EPHB1: variants seen among roughly 807,000 people sequenced by gnomAD.
EPHB1 encodes EPH receptor B1, also known as ephrin type-B receptor 1.
In EPHB1, 30 loss-of-function variants were observed where a neutral mutation model predicts 94.4. The ratio of observed to expected loss-of-function variants is 0.32; its 90% CI spans 0.24 to 0.43. The LOEUF (loss-of-function observed/expected upper bound fraction) is 0.43. EPHB1 is among the 20% of genes least tolerant of loss of function. EPHB1 has a pLI of 1.00. For synonymous variants in EPHB1, 522 were observed against 489.1 expected (o/e 1.07, Z -0.89); for missense variants, 1,055 against 1,308.3 (o/e 0.81, Z 2.99).
At chr3:135,184,125 ATGAATGGAGTGACTAGTGAGCTTGG>A (rs1244038007) in intron 10 of EPHB1, among the ~76,000 whole-genome samples, 37 of 152,284 alleles carry the variant, frequency 2.4e-4, no homozygotes, top group African/African-American at 8.7e-4. Flanking sequence ...AATGAATGTG[ATGAATGGAGTGACTAGTGAGCTTGG>A]TGCCTGGAGG....
At chr3:135,161,731 C>T (rs1361632036) in intron 6 of EPHB1, among the ~76,000 whole-genome samples, 2 of 152,166 alleles carry the variant, frequency 1.3e-5, no homozygotes, top group Non-Finnish European at 2.9e-5. Flanking sequence ...GGGAGGAGGA[C>T]TAGAGAATGA....
intron 9 of EPHB1, among the ~76,000 whole-genome samples, chr3:135,169,875 C>T (rs1350493097): frequency 6.6e-6 from 1 of 152,218 alleles, no homozygotes; most frequent in African/African-American, 2.4e-5. Context: ...ATGCTCTTTC[C>T]ACAGCCTGAT....
At chr3:135,140,126 G>T (rs1444149096) in intron 5 of EPHB1, among the ~76,000 whole-genome samples, 1 of 152,190 alleles carries the variant, frequency 6.6e-6, no homozygotes, top group Non-Finnish European at 1.5e-5. Context: ...TTCTTACCCT[G>T]TAAGGATCTC....
intron 3 of EPHB1, among the ~76,000 whole-genome samples, chr3:135,064,637 T>C (rs530922589): frequency 2.0e-5 from 3 of 152,342 alleles, no homozygotes; most frequent in African/African-American, 7.2e-5. Context: ...TATTTATCTT[T>C]TCAAAAAACT....
chr3:135,043,547 T>C (rs1936912882), intron 3 of EPHB1, among the ~76,000 whole-genome samples: 1 of 152,116 alleles, frequency 6.6e-6, no homozygotes, highest in South Asian at 2.1e-4. Flanking sequence ...TTCCATACCA[T>C]CTTCTCTGCT....
intron 5 of EPHB1, among the ~76,000 whole-genome samples, chr3:135,139,683 G>A (rs759260802): frequency 6.6e-6 from 1 of 152,172 alleles, no homozygotes; most frequent in Non-Finnish European, 1.5e-5. Context: ...GACTTGATGG[G>A]GTGCAGGACC....
chr3:135,098,637 G>A (rs910375013), intron 3 of EPHB1, among the ~76,000 whole-genome samples: 1 of 151,076 alleles, frequency 6.6e-6, no homozygotes, highest in African/African-American at 2.4e-5. Flanking sequence ...TAAGTTTTTA[G>A]AAATAAGATC....
chr3:134,958,619 A>T (rs1933379339), intron 3 of EPHB1, among the ~76,000 whole-genome samples: 1 of 152,138 alleles, frequency 6.6e-6, no homozygotes, highest in Non-Finnish European at 1.5e-5. Flanking sequence ...GGTCATTAAC[A>T]CCGCAGCCCT....
chr3:134,829,669 T>C (rs2036544756), intron 1 of EPHB1, among the ~76,000 whole-genome samples: 1 of 152,208 alleles, frequency 6.6e-6, no homozygotes, highest in South Asian at 2.1e-4. Flanking sequence ...TGTTAAAATC[T>C]TAATCCCCAG....
chr3:135,196,424 A>G (rs1472975818), intron 11 of EPHB1, among the ~76,000 whole-genome samples: 1 of 152,144 alleles, frequency 6.6e-6, no homozygotes, highest in African/African-American at 2.4e-5. Context: ...AGGAGCAGGC[A>G]TGGTAAGAAA....
At chr3:135,092,328 TGCCAG>T (rs1178086209) in intron 3 of EPHB1, among the ~76,000 whole-genome samples, 15 of 152,110 alleles carry the variant, frequency 9.9e-5, no homozygotes, top group African/African-American at 3.4e-4. Flanking sequence ...TTCTGTTGGG[TGCCAG>T]GGGCCCCGTG....
At chr3:134,926,020 A>G (rs2038784993) in intron 2 of EPHB1, 140 bp downstream of exon 2, 1 of 675,606 alleles carries the variant, frequency 1.5e-6, no homozygotes. Context: ...CTGCCCATCC[A>G]TGCAAAGACA....
At chr3:135,004,033 G>C (rs1935293053) in intron 3 of EPHB1, among the ~76,000 whole-genome samples, 1 of 151,716 alleles carries the variant, frequency 6.6e-6, no homozygotes, top group Admixed American at 6.6e-5. Context: ...CTTGTTAGTT[G>C]ATGTAGTTTC....
chr3:134,994,990 G>GTGTGTA (rs1300695354), intron 3 of EPHB1, among the ~76,000 whole-genome samples: 1 of 151,088 alleles, frequency 6.6e-6, no homozygotes, highest in African/African-American at 2.4e-5. Flanking sequence ...ATACACTTGT[G>GTGTGTA]TGTGTGTGTG....
chr3:135,182,630 T>C (rs985042704), intron 10 of EPHB1, among the ~76,000 whole-genome samples: 5 of 152,216 alleles, frequency 3.3e-5, no homozygotes, highest in Non-Finnish European at 7.4e-5. Context: ...TCAGGAAGGC[T>C]CTGCAAAGAA....
At chr3:134,974,391 GC>G (rs1265953625) in intron 3 of EPHB1, among the ~76,000 whole-genome samples, 2 of 152,136 alleles carry the variant, frequency 1.3e-5, no homozygotes, top group East Asian at 3.8e-4. Context: ...TCTGTGCGTT[GC>G]TTTCCTCGTT....
intron 1 of EPHB1, among the ~76,000 whole-genome samples, chr3:134,818,059 TTTCCTAAGAG>T (rs368674021): frequency 8.8e-4 from 134 of 152,328 alleles, no homozygotes; most frequent in African/African-American, 3.1e-3. Flanking sequence ...TTCCACTGAC[TTTCCTAAGAG>T]CCATGTGGAG....
At chr3:135,247,449 CATA>C (rs1943953209) in intron 13 of EPHB1, among the ~76,000 whole-genome samples, 1 of 152,074 alleles carries the variant, frequency 6.6e-6, no homozygotes, top group Non-Finnish European at 1.5e-5. Flanking sequence ...ATAATAAATT[CATA>C]TGTTTAGCAC....
intron 9 of EPHB1, among the ~76,000 whole-genome samples, chr3:135,167,356 T>C (rs1941679450): frequency 6.6e-6 from 1 of 152,242 alleles, no homozygotes. Flanking sequence ...TAACATCTTC[T>C]GCCTTATCTT....
Sources: allele counts gnomAD v4.1 joint callset (sites outside exome capture counted in the v4.1 genomes callset), GRCh38; gene constraint gnomAD v4.1.1; transcripts MANE v1.5; gene names NCBI Gene and HGNC (gene_info 2026-07-23, HGNC 2026-07-21).